DIS3L: variants seen among roughly 807,000 people sequenced by gnomAD.
DIS3L encodes the protein DIS3 like exosome 3'-5' exoribonuclease.
A neutral mutation model predicts 120.3 loss-of-function variants in DIS3L; 100 were observed. The ratio of observed to expected loss-of-function variants is 0.83; its 90% confidence interval spans 0.71 to 0.98. DIS3L has a LOEUF of 0.98. DIS3L is among the 50% of genes least tolerant of loss of function. DIS3L has a pLI of 0.00. For missense variants in DIS3L, 1,196 were observed against 1,314.2 expected (o/e 0.91, Z 1.39); for synonymous variants, 426 against 470.6 (o/e 0.91, Z 1.23).
At chr15:66,331,785 C>T in intron 14 of DIS3L, 90 bp from the exon 15 acceptor site, 3 of 1,342,672 alleles carry the variant, frequency 2.2e-6, no homozygotes, top group Non-Finnish European at 2.9e-6. Flanking sequence ...AATAGTTTTA[C>T]AGAATCTCAC....
intron 14 of DIS3L, among the ~76,000 whole-genome samples, chr15:66,331,210 A>T (rs1173516442): frequency 1.3e-5 from 2 of 152,108 alleles, no homozygotes; most frequent in East Asian, 1.9e-4. Context: ...CCTTATCAGT[A>T]GTGCTAATTT....
At chr15:66,314,146 A>G (rs1258754857) in intron 6 of DIS3L, 29 bp downstream of exon 6, 2 of 1,419,170 alleles carry the variant, frequency 1.4e-6, no homozygotes, top group Non-Finnish European at 1.8e-6. Context: ...ATAAATTTCC[A>G]TACTCCTTTT....
chr15:66,325,514 G>T (rs1403743622), intron 11 of DIS3L, among the ~76,000 whole-genome samples: 4 of 152,096 alleles, frequency 2.6e-5, no homozygotes, highest in Non-Finnish European at 4.4e-5. Context: ...AATATTTTTT[G>T]ATTTAGTTGT....
chr15:66,315,776 C>T (rs935564545), intron 7 of DIS3L, among the ~76,000 whole-genome samples: 2 of 152,198 alleles, frequency 1.3e-5, no homozygotes, highest in Non-Finnish European at 2.9e-5. Context: ...CTGCTGGTCT[C>T]TCATGCCTGC....
chr15:66,294,857 A>G, intron 1 of DIS3L, 131 bp from the exon 2 acceptor site: 1 of 970,728 alleles, frequency 1.0e-6, no homozygotes, highest in Non-Finnish European at 1.5e-6. Context: ...ACCAAAGTAG[A>G]TTTGTCTTTT....
intron 4 of DIS3L, among the ~76,000 whole-genome samples, chr15:66,309,167 A>G (rs1448150632): frequency 1.4e-5 from 2 of 143,000 alleles, no homozygotes; most frequent in Non-Finnish European, 3.0e-5. Context: ...TGGAAGAATC[A>G]CTGGAGCCTG....
Position 66,331,861 on chromosome 15 carries a change from T to C in DIS3L, c.2536-14T>C. On this transcript the variant is annotated splice_polypyrimidine_tract_variant and intron_variant, in intron 14 of 16. Transcript: ENST00000319212. ...GGGGAGTGTTAAAATGCTTTGGAGT[T>C]GTGCTTCTTACAGGCAGCACAGCAT... 6.4e-7 allele frequency: 1 copy of C among 1,558,150 alleles called. No homozygotes were observed. Among genetic ancestry groups the C allele is most frequent in the Non-Finnish European group, 8.7e-7 (1 of 1,152,354 alleles).
intron 2 of DIS3L, among the ~76,000 whole-genome samples, chr15:66,305,259 A>G (rs990435217): frequency 7.2e-5 from 11 of 151,980 alleles, no homozygotes; most frequent in Non-Finnish European, 1.3e-4. Flanking sequence ...CTCGCCTCCC[A>G]AAGTGCTGGG....
rs756389561 is a variant in DIS3L at position 66,326,354 on chromosome 15, A to G, written c.2191A>G (p.Ile731Val). The stretch of plus-strand genomic sequence containing the variant: ...ATGTGCTAAAGCCAAAGGCTTCTTC[A>G]TAGATACACGGTATTCCTCTTTTGA... ...RECAKAKGFF[I>V]DTRSNKTLAD... The change falls in exon 12 of 17, where the codon ATA becomes GTA. Residue 731 changes from isoleucine to valine, a missense_variant. Coordinates refer to ENST00000319212, the MANE Select transcript of DIS3L (RefSeq NM_001143688.3). 2 of 1,613,988 alleles carry G rather than the reference A, an allele frequency of 1.2e-6. No homozygotes were observed. The highest frequency in any genetic ancestry group is 1.7e-6 in the Non-Finnish European group (2 of 1,179,962).
intron 4 of DIS3L, among the ~76,000 whole-genome samples, chr15:66,310,420 T>C (rs1024584480): frequency 6.6e-6 from 1 of 152,242 alleles, no homozygotes; most frequent in African/African-American, 2.4e-5. Flanking sequence ...AGTTTTATTT[T>C]CTATAGTGTT....
chr15:66,296,409 G>A (rs1279587893), intron 2 of DIS3L, among the ~76,000 whole-genome samples: 1 of 152,062 alleles, frequency 6.6e-6, no homozygotes, highest in Non-Finnish European at 1.5e-5. Context: ...AACAAAAGAT[G>A]AGGAGTTATG....
chr15:66,303,314 A>G (rs980284506), intron 2 of DIS3L, among the ~76,000 whole-genome samples: 1 of 152,158 alleles, frequency 6.6e-6, no homozygotes, highest in Non-Finnish European at 1.5e-5. Context: ...TATACCCAGA[A>G]GTGGGATTAC....
At chr15:66,300,629 C>G (rs1236429166) in intron 2 of DIS3L, among the ~76,000 whole-genome samples, 1 of 152,034 alleles carries the variant, frequency 6.6e-6, no homozygotes, top group Admixed American at 6.6e-5. Flanking sequence ...TAAAGCTGCT[C>G]TTTTTTAAAA....
chr15:66,307,195 A>G (rs1006956113), intron 3 of DIS3L, among the ~76,000 whole-genome samples: 2 of 152,154 alleles, frequency 1.3e-5, no homozygotes, highest in African/African-American at 4.8e-5. Context: ...TTTGCCCCAG[A>G]CCCTAGCAGC....
chr15:66,333,172 C>T lies in DIS3L; in HGVS notation c.3025C>T (p.Leu1009Phe). The T allele has an allele frequency of 1.1e-5, 18 of 1,614,008 alleles. No individual in the cohort carries two copies. The highest frequency in any genetic ancestry group is 1.5e-5 in the Non-Finnish European group (18 of 1,180,036). The change falls in exon 17 of 17, where the codon CTT (leucine) becomes TTT (phenylalanine). Residue 1009 changes from leucine to phenylalanine, a missense_variant. Physicochemically the swap from Leu to Phe is conservative, Grantham distance 22. Coordinates refer to ENST00000319212, the MANE Select transcript of DIS3L (RefSeq NM_001143688.3). ...AACTAAATCTGTGGAAGAAGCTCAGCTTGCCCAAGAAGTCAAAGTAAACAT... is the reference window on the plus strand; with the variant it reads ...AACTAAATCTGTGGAAGAAGCTCAGTTTGCCCAAGAAGTCAAAGTAAACAT... Reference protein sequence around the residue: ...EVTKSVEEAQLAQEVKVNIIQ... With the variant: ...EVTKSVEEAQFAQEVKVNIIQ...
Position 66,295,166 on chromosome 15 carries a change from C to T in DIS3L, c.293+25C>T, listed in dbSNP as rs370066824. The T allele has an allele frequency of 1.2e-4, 189 of 1,605,488 alleles. 1 individual carries two copies. Among genetic ancestry groups the T allele is most frequent in the Non-Finnish European group, 1.6e-4 (183 of 1,175,172 alleles). ...GGTATACGTTTTGCATTCTTTATTT[C>T]TATATGGCATAGGTTCCCCCCACCT... On this transcript the variant is annotated intron_variant, in intron 2 of 16. Transcript: ENST00000319212.
intron 2 of DIS3L, among the ~76,000 whole-genome samples, chr15:66,300,047 T>G (rs902672246): frequency 1.3e-5 from 2 of 152,062 alleles, no homozygotes; most frequent in South Asian, 4.1e-4. Flanking sequence ...CAAGACTCCA[T>G]CTCCAAAAAT....
At chr15:66,304,111 A>T (rs919941839) in intron 2 of DIS3L, among the ~76,000 whole-genome samples, 15 of 117,638 alleles carry the variant, frequency 1.3e-4, no homozygotes, top group African/African-American at 4.4e-4. Context: ...AAAAAAAAAA[A>T]ACAATATGGC....
At chr15:66,313,922 A>G in intron 5 of DIS3L, 117 bp from the exon 6 acceptor site, 1 of 713,436 alleles carries the variant, frequency 1.4e-6, no homozygotes, top group Non-Finnish European at 2.3e-6. Flanking sequence ...AGGGATCACA[A>G]ACCTTAAAAG....
Sources: gnomAD v4.1 joint callset for allele counts (sites outside exome capture counted in the v4.1 genomes callset) on GRCh38, gnomAD v4.1.1 for gene constraint, MANE v1.5 for transcripts, NCBI Gene and HGNC (gene_info 2026-07-23, HGNC 2026-07-21) for gene names.